Variants in LIMCH1 observed in about 807,000 individuals in gnomAD.
LIMCH1 encodes the protein LIM and calponin homology domains 1, also known as LIM and calponin homology domains-containing protein 1.
In LIMCH1, 113 loss-of-function variants were observed where a neutral mutation model predicts 176.5. The ratio of observed to expected loss-of-function variants is 0.64; its 90% CI spans 0.55 to 0.75. The LOEUF (loss-of-function observed/expected upper bound fraction) is 0.75. Among genes scored for constraint, LIMCH1 ranks in the 30% least tolerant of loss-of-function variants. LIMCH1 has a pLI of 0.00. For synonymous variants in LIMCH1, 619 were observed against 645.9 expected (o/e 0.96, Z 0.63); for missense variants, 1,674 against 1,814.9 (o/e 0.92, Z 1.41).
intron 1 of LIMCH1, among the ~76,000 whole-genome samples, chr4:41,406,972 C>A (rs192621240): frequency 6.6e-6 from 1 of 152,120 alleles, no homozygotes; most frequent in East Asian, 1.9e-4. Context: ...AGCACGGGTA[C>A]GAGTGATCTC....
At chr4:41,670,801 C>A in intron 21 of LIMCH1, 1 of 1,535,816 alleles carries the variant, frequency 6.5e-7, no homozygotes, top group East Asian at 2.4e-5. Flanking sequence ...AGGTAAACTG[C>A]ATACTGGGTA....
intron 18 of LIMCH1, among the ~76,000 whole-genome samples, chr4:41,653,133 C>T (rs2094356844): frequency 6.6e-6 from 1 of 152,144 alleles, no homozygotes; most frequent in South Asian, 2.1e-4. Flanking sequence ...AGCTGTACTA[C>T]ATAGGACTGT....
intron 22 of LIMCH1, among the ~76,000 whole-genome samples, chr4:41,672,198 C>A (rs1206651216): frequency 6.6e-6 from 1 of 151,984 alleles, no homozygotes; most frequent in African/African-American, 2.4e-5. Context: ...GGTGAAACCC[C>A]GTCTCTACTG....
chr4:41,660,280 A>C (rs1237731660), intron 18 of LIMCH1, among the ~76,000 whole-genome samples: 5 of 152,028 alleles, frequency 3.3e-5, no homozygotes, highest in Non-Finnish European at 7.3e-5. Context: ...TGGATATTTA[A>C]GTTGTTTCAA....
chr4:41,444,813 C>T (rs773319941), intron 1 of LIMCH1, among the ~76,000 whole-genome samples: 40 of 152,094 alleles, frequency 2.6e-4, no homozygotes, highest in Non-Finnish European at 4.7e-4. Flanking sequence ...ATATAGTCCC[C>T]ATAAAAGAAA....
At chr4:41,613,686 T>C (rs1248029719) in intron 5 of LIMCH1, 25 bp downstream of exon 5, 2 of 1,595,520 alleles carry the variant, frequency 1.3e-6, no homozygotes, top group East Asian at 4.5e-5. Context: ...TAATAAACTA[T>C]CCATCTTGAA....
intron 1 of LIMCH1, among the ~76,000 whole-genome samples, chr4:41,464,044 T>C (rs2065759037): frequency 6.6e-6 from 1 of 151,904 alleles, no homozygotes; most frequent in Non-Finnish European, 1.5e-5. Flanking sequence ...GAAACCCAAA[T>C]CTTATTTTGT....
In LIMCH1 at chr4:41,409,832, A is replaced by G. The variant is rs969714231; in HGVS notation, c.96+48896A>G. Among the ~76,000 whole-genome samples, 9 of 152,356 alleles carry G rather than the reference A, an allele frequency of 5.9e-5. No homozygotes were observed. The South Asian group carries it at 6.2e-4, about 11-fold the overall frequency. On this transcript the variant is annotated intron_variant, in intron 1 of 26. Coordinates refer to the LIMCH1 transcript ENST00000313860. ...ACTCATTCCAAGCAAAAGGGCTAAT[A>G]GTGTTAGTTTTCTTGTCACAAGTTG... is the stretch of plus-strand genomic sequence containing the variant.
At position 41,620,622 on chromosome 4, in the gene LIMCH1, G is replaced by C; in HGVS notation, c.657G>C (p.Glu219Asp). The C allele has an allele frequency of 6.5e-7, 1 of 1,536,188 alleles. No homozygotes were observed. Among genetic ancestry groups the C allele is most frequent in the Non-Finnish European group, 8.7e-7 (1 of 1,146,918 alleles). The change falls in exon 7 of 32, where the codon GAG becomes GAC. Residue 219 changes from glutamate to aspartate, a missense_variant. Around this residue, in one of 3 missense-constraint regions of LIMCH1, gnomAD observed 655 missense variants for 692.2 expected, o/e 0.95. Transcript: ENST00000503057. ...APKSEEKDAAEIQKRKRLEQA... is the reference protein window; with the variant it reads ...APKSEEKDAADIQKRKRLEQA... ...AGTCTGAAGAAAAAGATGCTGCTGA[G>C]ATCCAAAAGCGCAAAAGGCTAGAGC... is the stretch of plus-strand genomic sequence containing the variant.
At chr4:41,471,855 C>T (rs1358810077) in intron 1 of LIMCH1, among the ~76,000 whole-genome samples, 1 of 152,184 alleles carries the variant, frequency 6.6e-6, no homozygotes, top group Non-Finnish European at 1.5e-5. Flanking sequence ...ACACTCTTTT[C>T]TTCCTGCCCA....
rs749779195 is a variant in LIMCH1 at position 41,599,022 on chromosome 4, G to A, written c.-138G>A. The A allele has an allele frequency of 6.3e-6, 10 of 1,587,260 alleles. No individual in the cohort carries two copies. The South Asian group carries it at 1.1e-4, about 18-fold the overall frequency. ...CCAGGATACATCCAACAGAGTAACA[G>A]TCAAGTAAGTAAAGCGTGATTTATG... On this transcript the variant is annotated 5_prime_UTR_variant, in exon 2 of 32. Coordinates refer to ENST00000503057, the MANE Select transcript of LIMCH1 (RefSeq NM_001330672.2).
At chr4:41,406,631 T>C (rs1024637279) in intron 1 of LIMCH1, among the ~76,000 whole-genome samples, 2 of 152,198 alleles carry the variant, frequency 1.3e-5, no homozygotes, top group Admixed American at 1.3e-4. Flanking sequence ...GGATTTTGTT[T>C]TGTGGCTTGG....
intron 3 of LIMCH1, among the ~76,000 whole-genome samples, chr4:41,525,517 A>G (rs894048369): frequency 6.6e-6 from 1 of 152,184 alleles, no homozygotes; most frequent in African/African-American, 2.4e-5. Context: ...TGGTTTCAGC[A>G]AGTTGAATGA....
intron 1 of LIMCH1, among the ~76,000 whole-genome samples, chr4:41,377,386 A>G (rs1336786535): frequency 6.6e-6 from 1 of 152,226 alleles, no homozygotes; most frequent in African/African-American, 2.4e-5. Flanking sequence ...TTCCACTGCA[A>G]AAACAAGTGA....
At chr4:41,414,323 C>A (rs2059737848) in intron 1 of LIMCH1, among the ~76,000 whole-genome samples, 1 of 152,126 alleles carries the variant, frequency 6.6e-6, no homozygotes, top group African/African-American at 2.4e-5. Flanking sequence ...AGAGACAACT[C>A]ACGTACTACT....
intron 1 of LIMCH1, among the ~76,000 whole-genome samples, chr4:41,443,192 C>CTTTTTTTTTTTTT (rs916559501): frequency 1.8e-4 from 7 of 39,662 alleles, no homozygotes; most frequent in East Asian, 1.3e-3. Flanking sequence ...TGTTTTTTTT[C>CTTTTTTTTTTTTT]TTTTTTTTTT....
chr4:41,388,647 C>CT (rs11462401), intron 1 of LIMCH1, among the ~76,000 whole-genome samples: 54,069 of 150,722 alleles, frequency 0.36, 10,709 homozygotes, highest in African/African-American at 0.55. Context: ...ATCCATTAAG[C>CT]TTTTTTGTTT....
At chr4:41,537,905 C>T (rs1198863643), upstream of LIMCH1, among the ~76,000 whole-genome samples, 2 of 152,174 alleles carry the variant, frequency 1.3e-5, no homozygotes, top group African/African-American at 4.8e-5. Flanking sequence ...CAACTTTGTT[C>T]CAGAGTTGGG....
chr4:41,383,688 C>T (rs544696931), intron 1 of LIMCH1, among the ~76,000 whole-genome samples: 1 of 152,150 alleles, frequency 6.6e-6, no homozygotes, highest in South Asian at 2.1e-4. Context: ...TTACTATGAC[C>T]AGAGTGTGTG....
Sources: allele counts gnomAD v4.1 joint callset (sites outside exome capture counted in the v4.1 genomes callset), GRCh38; gene constraint gnomAD v4.1.1; regional missense constraint gnomAD v4.1.1; transcripts MANE v1.5; gene names NCBI Gene and HGNC (gene_info 2026-07-23, HGNC 2026-07-21).